STK33: variants seen among roughly 807,000 people sequenced by gnomAD.
The protein encoded by STK33 is serine/threonine kinase 33, also known as serine/threonine-protein kinase 33.
A neutral mutation model predicts 58.0 loss-of-function variants in STK33; 52 were observed. The observed-to-expected ratio is 0.90, with a 90% CI of 0.72 to 1.13. STK33 has a LOEUF of 1.13. Ranked by LOEUF, STK33 falls within the 50% of genes most tolerant of loss-of-function variation. The probability of loss-of-function intolerance (pLI) is 0.00; values close to 1 mark genes in which losing one functional copy is unlikely to be tolerated. For missense variants in STK33, 630 were observed against 604.2 expected, an observed-to-expected ratio of 1.04 and a Z score of -0.45; for synonymous variants, 215 against 200.1, an observed-to-expected ratio of 1.07 and a Z score of -0.63.
rs56363010 is a variant in STK33, at chr11:8,553,167, AATATATATAT to A, written c.-466+40906_-466+40915del. ...AGGGAGACTCCGTCTCCAAAAATAA[AATATATATAT>A]ATATATATATATATATATATGGTGT... is the stretch of plus-strand genomic sequence containing the variant. On this transcript the variant is annotated intron_variant, in intron 1 of 15. Transcript: ENST00000687296. Among the ~76,000 whole-genome samples the A allele has an allele frequency of 7.3e-5, 5 of 68,192 alleles. 1 individual carries two copies. The highest frequency in any genetic ancestry group is 5.3e-4 in the East Asian group (1 of 1,874). The allele number at this position is 68,192 out of a possible 152,430, so 44.7% of individuals were successfully genotyped here.
the STK33 span, among the ~76,000 whole-genome samples, chr11:8,337,177 A>G: frequency 6.6e-6 from 1 of 152,226 alleles, no homozygotes; most frequent in Non-Finnish European, 1.5e-5. Context: ...CCTGAGAGTT[A>G]TTGAGGCACA....
intron 1 of STK33, among the ~76,000 whole-genome samples, chr11:8,560,380 T>C (rs906188506): frequency 6.6e-6 from 1 of 152,184 alleles, no homozygotes; most frequent in Non-Finnish European, 1.5e-5. Flanking sequence ...ATTTTTTTTC[T>C]GTAAAATATC....
chr11:8,551,099 C>T (rs1184944091), intron 1 of STK33, among the ~76,000 whole-genome samples: 4 of 151,998 alleles, frequency 2.6e-5, no homozygotes, highest in Non-Finnish European at 4.4e-5. Context: ...GGCAAAACGA[C>T]TCCCTGAAAT....
chr11:8,558,911 C>T (rs1281231095), intron 1 of STK33, among the ~76,000 whole-genome samples: 2 of 152,162 alleles, frequency 1.3e-5, no homozygotes, highest in Non-Finnish European at 1.5e-5. Flanking sequence ...ATTCAAAAAG[C>T]TAATGCCAAC....
At chr11:8,419,656 T>C (rs1941631943) in intron 14 of STK33, among the ~76,000 whole-genome samples, 1 of 152,218 alleles carries the variant, frequency 6.6e-6, no homozygotes, top group South Asian at 2.1e-4. Flanking sequence ...GCAGTGAATC[T>C]GTAAACTGCT....
chr11:8,426,223 G>A (rs1942728889), intron 14 of STK33, among the ~76,000 whole-genome samples: 1 of 152,206 alleles, frequency 6.6e-6, no homozygotes, highest in African/African-American at 2.4e-5. Context: ...GTTTTCCCCT[G>A]GAGTCAGGCA....
In STK33 at chr11:8,438,445, T is replaced by C. The variant is rs151179197; in HGVS notation, c.947+2233A>G. Among the ~76,000 whole-genome samples the C allele has an allele frequency of 5.5e-3, 832 of 152,294 alleles. 1 individual carries two copies. Among genetic ancestry groups the C allele is most frequent in the Non-Finnish European group, 9.5e-3 (646 of 68,008 alleles). On this transcript the variant is annotated intron_variant, in intron 12 of 15. Transcript: ENST00000687296. ...ATAGAAATGAATCAAAGGTAACGGA[T>C]AAACAAGAAAATAAACCCCCTGGAG... is the stretch of plus-strand genomic sequence containing the variant.
intron 1 of STK33, among the ~76,000 whole-genome samples, chr11:8,529,876 A>G (rs2140096511): frequency 6.6e-6 from 1 of 152,330 alleles, no homozygotes; most frequent in Middle Eastern, 3.4e-3. Context: ...CTGACCTCCA[A>G]AACAATAAGA....
intron 1 of STK33, among the ~76,000 whole-genome samples, chr11:8,522,457 C>A: frequency 6.8e-6 from 1 of 146,394 alleles, no homozygotes. Context: ...GGGAACATCA[C>A]ACACTGGGGC....
intron 1 of STK33, among the ~76,000 whole-genome samples, chr11:8,568,115 C>A: frequency 6.6e-6 from 1 of 152,086 alleles, no homozygotes; most frequent in African/African-American, 2.4e-5. Context: ...AATTGCCATC[C>A]AGAGAAAAAT....
intron 1 of STK33, among the ~76,000 whole-genome samples, chr11:8,582,408 C>T (rs980285736): frequency 6.6e-6 from 1 of 152,178 alleles, no homozygotes; most frequent in Non-Finnish European, 1.5e-5. Context: ...GTTTAATTGA[C>T]TCACAGTTCA....
the STK33 span, among the ~76,000 whole-genome samples, chr11:8,342,135 C>T: frequency 6.6e-6 from 1 of 152,204 alleles, no homozygotes; most frequent in African/African-American, 2.4e-5. Context: ...GGCTGGACAC[C>T]TTGCAGGTGG....
intron 15 of STK33, among the ~76,000 whole-genome samples, chr11:8,400,463 C>T (rs370605968): frequency 0.18 from 27,435 of 151,932 alleles, 2,702 homozygotes; most frequent in African/African-American, 0.25. Context: ...ATTGATGGGA[C>T]GTATCTCAAA....
At chr11:8,510,360 C>T (rs1201468283) in intron 1 of STK33, among the ~76,000 whole-genome samples, 1 of 151,858 alleles carries the variant, frequency 6.6e-6, no homozygotes, top group African/African-American at 2.4e-5. Context: ...TTGTTTTTTT[C>T]TTGTTGACTT....
At chr11:8,482,352 G>A (rs1015157865) in intron 1 of STK33, among the ~76,000 whole-genome samples, 1 of 152,178 alleles carries the variant, frequency 6.6e-6, no homozygotes, top group African/African-American at 2.4e-5. Flanking sequence ...GCAGTTAGGA[G>A]TCCAGCAAAG....
chr11:8,477,220 G>A (rs1260942310), intron 3 of STK33, 30 bp downstream of exon 3: 1 of 150,646 alleles, frequency 6.6e-6, no homozygotes, highest in Non-Finnish European at 1.5e-5. Context: ...TCAAGAATAT[G>A]TAGCAAGACA....
the STK33 span, among the ~76,000 whole-genome samples, chr11:8,364,345 T>C: frequency 6.6e-6 from 1 of 152,240 alleles, no homozygotes; most frequent in African/African-American, 2.4e-5. Context: ...ATTCCTTCTT[T>C]CAGTTGGAGA....
intron 1 of STK33, among the ~76,000 whole-genome samples, chr11:8,563,116 T>C (rs773834499): frequency 2.6e-5 from 4 of 152,112 alleles, no homozygotes; most frequent in Non-Finnish European, 4.4e-5. Context: ...TAGTGACAGA[T>C]TGCAAAAATG....
chr11:8,536,805 G>C (rs1436436369), intron 1 of STK33, among the ~76,000 whole-genome samples: 1 of 151,068 alleles, frequency 6.6e-6, no homozygotes, highest in Non-Finnish European at 1.5e-5. Flanking sequence ...AAGAGACAAG[G>C]TCTCACTCTG....
Sources: gnomAD v4.1 joint callset for allele counts (sites outside exome capture counted in the v4.1 genomes callset) on GRCh38, gnomAD v4.1.1 for gene constraint, MANE v1.5 for transcripts, NCBI Gene and HGNC (gene_info 2026-07-23, HGNC 2026-07-21) for gene names.